APCDD1: variants seen among roughly 807,000 people sequenced by gnomAD.
The protein encoded by APCDD1 is protein APCDD1.
APCDD1 carries 15 observed loss-of-function variants against 38.1 expected under a neutral mutation model. The observed-to-expected ratio is 0.39, with a 90% CI of 0.26 to 0.61. The LOEUF (loss-of-function observed/expected upper bound fraction) is 0.61, where lower values mean the gene tolerates loss of function less well. Ranked by LOEUF, APCDD1 falls within the 20% of genes least tolerant of loss-of-function variation. The pLI is 0.49. For missense variants in APCDD1, 647 were observed against 696.2 expected, an observed-to-expected ratio of 0.93 and a Z score of 0.79; for synonymous variants, 261 against 279.7, an observed-to-expected ratio of 0.93 and a Z score of 0.67.
At chr18:10,474,435 C>T (rs942660285) in intron 3 of APCDD1, among the ~76,000 whole-genome samples, 7 of 152,146 alleles carry the variant, frequency 4.6e-5, no homozygotes, top group African/African-American at 1.7e-4. Flanking sequence ...CCAAAAAGCA[C>T]GGGGAGCCTT....
At chr18:10,481,500 CAGAA>C (rs1327676261) in intron 3 of APCDD1, among the ~76,000 whole-genome samples, 1 of 151,912 alleles carries the variant, frequency 6.6e-6, no homozygotes, top group Non-Finnish European at 1.5e-5. Flanking sequence ...TCCACAGAGA[CAGAA>C]AGGAGAATGG....
At position 10,467,561 on chromosome 18, in the gene APCDD1, G is replaced by A. The variant is rs1407667902; in HGVS notation, c.59-908G>A. On this transcript the variant is annotated intron_variant, in intron 1 of 4. Coordinates refer to ENST00000355285, the MANE Select transcript of APCDD1 (RefSeq NM_153000.5). The surrounding 1 kb of genome is among the most constrained non-coding windows in gnomAD (Gnocchi z 4.8). ...CATTAGGCTGGTGGTAGTTTTGCAT[G>A]GGTAGATTGTGGCCAACCTGCATGA... Among the ~76,000 whole-genome samples, 1 of 152,198 alleles carries A rather than the reference G, an allele frequency of 6.6e-6. No individual in the cohort carries two copies. Among genetic ancestry groups the A allele is most frequent in the South Asian group, 2.1e-4 (1 of 4,826 alleles).
intron 1 of APCDD1, among the ~76,000 whole-genome samples, chr18:10,457,882 G>A (rs930295981): frequency 6.6e-6 from 1 of 152,168 alleles, no homozygotes; most frequent in Non-Finnish European, 1.5e-5. Flanking sequence ...AATGTGGTGC[G>A]AGACCCAAGT....
At chr18:10,486,983 G>A (rs914373464) in intron 4 of APCDD1, among the ~76,000 whole-genome samples, 4 of 152,188 alleles carry the variant, frequency 2.6e-5, no homozygotes, top group Non-Finnish European at 5.9e-5. Flanking sequence ...TGTTATACAC[G>A]GAAGTGGCCC....
rs2031219437 is a variant in APCDD1, at chr18:10,485,084, C to A, written c.775-378C>A. Among the ~76,000 whole-genome samples, 1 of 152,194 alleles carries A rather than the reference C, an allele frequency of 6.6e-6. No homozygotes were observed. Among genetic ancestry groups the A allele is most frequent in the African/African-American group, 2.4e-5 (1 of 41,444 alleles). ...CAGCTGTGTTTAAGGGTTCCAATTT[C>A]TTCACATCCTTGCCAACTTGTGATT... On this transcript the variant is annotated intron_variant, in intron 3 of 4. Coordinates refer to ENST00000355285, the MANE Select transcript of APCDD1 (RefSeq NM_153000.5). This position sits in a 1 kb window ranked among gnomAD's most constrained non-coding sequence, Gnocchi z 5.8.
chr18:10,468,597 G>T lies in APCDD1; in HGVS notation c.187G>T (p.Ala63Ser). 6.2e-7 allele frequency: 1 copy of T among 1,614,064 alleles called. No homozygotes were observed. Among genetic ancestry groups the T allele is most frequent in the Non-Finnish European group, 8.5e-7 (1 of 1,180,040 alleles). ...HHMLKHLHNG[A>S]RITVQMPPTI... ...CATGCTCAAACATCTCCACAATGGT[G>T]CAAGGATCACAGTGCAGATGCCACC... The change falls in exon 2 of 5, where the codon GCA becomes TCA. Residue 63 changes from alanine to serine, a missense_variant. By Grantham distance (99) the Ala-to-Ser change is moderately conservative. Coordinates refer to ENST00000355285, the MANE Select transcript of APCDD1 (RefSeq NM_153000.5).
chr18:10,455,748 T>TAA (rs1256161309), intron 1 of APCDD1, among the ~76,000 whole-genome samples: 1 of 152,220 alleles, frequency 6.6e-6, no homozygotes, highest in East Asian at 1.9e-4. Flanking sequence ...GGGGTTCTAG[T>TAA]AAACCTTTAG....
chr18:10,467,059 C>G lies in APCDD1; in HGVS notation c.59-1410C>G, dbSNP rs993531324. ...GTTCAGATACGGAAAATTCTGTCTT[C>G]TCAACACCAAGACTTTCCATCAAAA... On this transcript the variant is annotated intron_variant, in intron 1 of 4. Transcript: ENST00000355285. This position sits in a 1 kb window ranked among gnomAD's most constrained non-coding sequence, Gnocchi z 4.8. 6.6e-6 allele frequency among the ~76,000 whole-genome samples: 1 copy of G among 152,184 alleles called. No homozygotes were observed. Among genetic ancestry groups the G allele is most frequent in the African/African-American group, 2.4e-5 (1 of 41,462 alleles).
chr18:10,488,040 A>C lies in APCDD1; in HGVS notation c.*2A>C, dbSNP rs1314801845. 2 of 1,613,362 alleles carry C rather than the reference A, an allele frequency of 1.2e-6. No homozygotes were observed. The highest frequency in any genetic ancestry group is 3.3e-5 in the Admixed American group (2 of 60,030). ...CTGCATTGGAACATCCGCAGATAGAAGTTTTAGAAAGTTCTATTTTTCCAA... is the reference window on the plus strand; with the variant it reads ...CTGCATTGGAACATCCGCAGATAGACGTTTTAGAAAGTTCTATTTTTCCAA... On this transcript the variant is annotated 3_prime_UTR_variant, in exon 5 of 5. Transcript: ENST00000355285.
At position 10,489,916 on chromosome 18, in the gene APCDD1, T is replaced by G. The variant is rs1433772658; in HGVS notation, c.*1878T>G. 1 of 152,156 alleles carries G rather than the reference T, an allele frequency of 6.6e-6. No individual in the cohort carries two copies. Among genetic ancestry groups the G allele is most frequent in the Non-Finnish European group, 1.5e-5 (1 of 68,030 alleles). 9.4% of individuals were successfully genotyped at this position (152,156 alleles called of 1,614,324 possible). ...TCAGAAATACAACTGATACTATCTT[T>G]AAAAGACGTAATAAAATCATGTGAA... is the stretch of plus-strand genomic sequence containing the variant. On this transcript the variant is annotated 3_prime_UTR_variant, in exon 5 of 5. Coordinates refer to ENST00000355285, the MANE Select transcript of APCDD1 (RefSeq NM_153000.5).
chr18:10,480,986 A>G (rs1296594671), intron 3 of APCDD1, among the ~76,000 whole-genome samples: 1 of 152,246 alleles, frequency 6.6e-6, no homozygotes, highest in Admixed American at 6.5e-5. Context: ...TAAGACCACA[A>G]TGAGCTATCA....
At chr18:10,461,497 G>A (rs889886508) in intron 1 of APCDD1, among the ~76,000 whole-genome samples, 46 of 152,190 alleles carry the variant, frequency 3.0e-4, no homozygotes, top group African/African-American at 1.0e-3. Flanking sequence ...AGTTTAGACA[G>A]TACCATGGAC....
intron 1 of APCDD1, among the ~76,000 whole-genome samples, chr18:10,462,889 T>G (rs899956276): frequency 6.0e-5 from 9 of 151,114 alleles, no homozygotes; most frequent in Non-Finnish European, 1.3e-4. Flanking sequence ...TCGATCTTCC[T>G]GCTTTCAATC....
At position 10,485,841 on chromosome 18, in the gene APCDD1, T is replaced by C. The variant is rs1249458879; in HGVS notation, c.1096+58T>C. On this transcript the variant is annotated intron_variant, in intron 4 of 4. Transcript: ENST00000355285. This position sits in a 1 kb window ranked among gnomAD's most constrained non-coding sequence, Gnocchi z 5.8. ...GCCAATAAACAGCCCTGTGACATTTTTGTGGAGGCAGAGCTGAGGGAAAGG... is the reference window on the plus strand; with the variant it reads ...GCCAATAAACAGCCCTGTGACATTTCTGTGGAGGCAGAGCTGAGGGAAAGG... The C allele has an allele frequency of 1.3e-6, 2 of 1,575,332 alleles. No individual in the cohort carries two copies. The highest frequency in any genetic ancestry group is 1.7e-6 in the Non-Finnish European group (2 of 1,158,174).
rs1046468055 is a variant in APCDD1, at chr18:10,489,069, G to C, written c.*1031G>C. ...AGTGCAGTGGGCATGGTCTGCCCTGGGGGCTTGCTCCATTACACCCTGACT... is the reference window on the plus strand; with the variant it reads ...AGTGCAGTGGGCATGGTCTGCCCTGCGGGCTTGCTCCATTACACCCTGACT... On this transcript the variant is annotated 3_prime_UTR_variant, in exon 5 of 5. Transcript: ENST00000355285. The C allele has an allele frequency of 6.6e-6, 1 of 152,208 alleles. No homozygotes were observed. Among genetic ancestry groups the C allele is most frequent in the Non-Finnish European group, 1.5e-5 (1 of 68,078 alleles). 9.4% of individuals were successfully genotyped at this position (152,208 alleles called of 1,614,324 possible).
chr18:10,467,090 T>C lies in APCDD1; in HGVS notation c.59-1379T>C, dbSNP rs1006937600. On this transcript the variant is annotated intron_variant, in intron 1 of 4. Coordinates refer to ENST00000355285, the MANE Select transcript of APCDD1 (RefSeq NM_153000.5). The surrounding 1 kb of genome is among the most constrained non-coding windows in gnomAD (Gnocchi z 4.8). ...ACCAAGACTTTCCATCAAAAACTAG[T>C]TTAGTCTTTTGAATGTTTTGTCCAC... is the stretch of plus-strand genomic sequence containing the variant. Among the ~76,000 whole-genome samples the C allele has an allele frequency of 5.3e-5, 8 of 152,174 alleles. No homozygotes were observed. The highest frequency in any genetic ancestry group is 1.9e-4 in the African/African-American group (8 of 41,432).
intron 3 of APCDD1, among the ~76,000 whole-genome samples, chr18:10,473,764 G>C (rs2143540279): frequency 6.6e-6 from 1 of 152,278 alleles, no homozygotes; most frequent in Middle Eastern, 3.4e-3. Context: ...GGGCCTTTCT[G>C]GTTGGCAGCA....
rs767000329 is a variant in APCDD1, at chr18:10,471,796, C to T, written c.509C>T (p.Thr170Ile). 2.6e-5 allele frequency: 42 copies of T among 1,613,438 alleles called. No individual in the cohort carries two copies. Among genetic ancestry groups the T allele is most frequent in the African/African-American group, 1.3e-5 (1 of 74,950 alleles). The change falls in exon 3 of 5, where the codon ACA becomes ATA. Residue 170 changes from threonine (T) to isoleucine (I), a missense_variant. Transcript: ENST00000355285. The surrounding 1 kb of genome is among the most constrained non-coding windows in gnomAD (Gnocchi z 5.5). ...AAGCTCGGCCAGCAGGTGAACCGCA[C>T]ATGCCCGGGCTTCCTCGCAGACGGG... ...AEKLGQQVNR[T>I]CPGFLADGGP...
chr18:10,480,411 A>G (rs2031106639), intron 3 of APCDD1, among the ~76,000 whole-genome samples: 2 of 152,226 alleles, frequency 1.3e-5, no homozygotes, highest in Non-Finnish European at 2.9e-5. Context: ...TTGTGCCTGT[A>G]GGTCTCTAAT....
Sources: allele counts gnomAD v4.1 joint callset (sites outside exome capture counted in the v4.1 genomes callset), GRCh38; gene constraint gnomAD v4.1.1; non-coding constraint Gnocchi (gnomAD v3.1); transcripts MANE v1.5; gene names NCBI Gene and HGNC (gene_info 2026-07-23, HGNC 2026-07-21).